The following CC2D2A variants were observed in gnomAD, a reference collection of about 807,000 sequenced individuals.
The protein encoded by CC2D2A is coiled-coil and C2 domain containing 2A.
In CC2D2A, 155 loss-of-function variants were observed where a neutral mutation model predicts 212.9. That is an observed-to-expected ratio of 0.73 (90% confidence interval 0.64 to 0.83). The LOEUF is 0.83. Among genes scored for constraint, CC2D2A ranks in the 40% least tolerant of loss-of-function variants. The probability of loss-of-function intolerance (pLI) is 0.00; values close to 1 mark genes in which losing one functional copy is unlikely to be tolerated. For synonymous variants in CC2D2A, 667 were observed against 686.5 expected, an observed-to-expected ratio of 0.97 and a Z score of 0.44; for missense variants, 1,856 against 1,956.2, an observed-to-expected ratio of 0.95 and a Z score of 0.97.
At chr4:15,500,105 G>GTA (rs1168609475) in intron 4 of CC2D2A, among the ~76,000 whole-genome samples, 3 of 66,876 alleles carry the variant, frequency 4.5e-5, no homozygotes, top group East Asian at 3.5e-4. Flanking sequence ...GTGTGTGTGT[G>GTA]TGTATATATA....
chr4:15,540,248 T>C (rs1718354819), intron 16 of CC2D2A, among the ~76,000 whole-genome samples: 1 of 152,062 alleles, frequency 6.6e-6, no homozygotes, highest in South Asian at 2.1e-4. Context: ...TGGATGTCTA[T>C]ACACATATGT....
intron 35 of CC2D2A, 139 bp downstream of exon 35, chr4:15,597,604 G>A (rs763420421): frequency 1.9e-5 from 14 of 725,694 alleles, no homozygotes; most frequent in Non-Finnish European, 3.1e-5. Context: ...TCCAAATACA[G>A]ATGTGATCTC....
intron 21 of CC2D2A, among the ~76,000 whole-genome samples, chr4:15,557,873 T>C (rs1038707762): frequency 4.6e-5 from 7 of 152,190 alleles, no homozygotes; most frequent in Non-Finnish European, 1.0e-4. Context: ...AATTCCATTT[T>C]AATGCAGTAT....
At chr4:15,541,138 C>CACATCTCT (rs1243198301) in intron 17 of CC2D2A, 124 bp downstream of exon 17, 3 of 685,162 alleles carry the variant, frequency 4.4e-6, no homozygotes, top group Non-Finnish European at 6.8e-6. Context: ...ATGGCAAAAC[C>CACATCTCT]ACATCTCTAC....
intron 30 of CC2D2A, among the ~76,000 whole-genome samples, chr4:15,581,808 T>C (rs77349264): frequency 0.018 from 2,681 of 152,326 alleles, 29 homozygotes; most frequent in Middle Eastern, 0.065. Flanking sequence ...GTAATGCCCC[T>C]AGATCCCTGT....
At chr4:15,482,108 G>C (rs983003654) in intron 4 of CC2D2A, 8 of 985,336 alleles carry the variant, frequency 8.1e-6, no homozygotes, top group Non-Finnish European at 9.6e-6. Flanking sequence ...TTGTTAGACT[G>C]TTTTCCCTAT....
intron 13 of CC2D2A, 110 bp from the exon 14 acceptor site, chr4:15,533,082 CA>C: frequency 1.2e-6 from 1 of 834,606 alleles, no homozygotes; most frequent in Non-Finnish European, 1.8e-6. Flanking sequence ...GTACTTGTTT[CA>C]AAATACGGTA....
chr4:15,499,849 A>T (rs191176980), intron 4 of CC2D2A, among the ~76,000 whole-genome samples: 1 of 152,092 alleles, frequency 6.6e-6, no homozygotes, highest in Non-Finnish European at 1.5e-5. Context: ...GCCCCTGTTA[A>T]CCCACCCAGG....
At chr4:15,582,479 G>C (rs1720702695) in intron 30 of CC2D2A, among the ~76,000 whole-genome samples, 1 of 151,986 alleles carries the variant, frequency 6.6e-6, no homozygotes, top group Non-Finnish European at 1.5e-5. Flanking sequence ...AGAAAAAAGA[G>C]AGATGACTTA....
chr4:15,555,268 T>C lies in CC2D2A; in HGVS notation c.2625+58T>C, dbSNP rs1719219837. On this transcript the variant is annotated intron_variant, in intron 20 of 36. Coordinates refer to ENST00000424120, the MANE Select transcript of CC2D2A (RefSeq NM_001378615.1). ...GACTTGGCCTTTTACACAATTTTCC[T>C]TTACACTATCTTCTCCTATGCAATA... 8 of 1,582,798 alleles carry C rather than the reference T, an allele frequency of 5.1e-6. No homozygotes were observed. The East Asian group carries it at 1.8e-4, about 35-fold the overall frequency.
intron 36 of CC2D2A, among the ~76,000 whole-genome samples, 153 bp downstream of exon 36, chr4:15,599,859 T>C (rs774737806): frequency 3.3e-5 from 5 of 152,210 alleles, no homozygotes; most frequent in Non-Finnish European, 7.3e-5. Context: ...TCATAAGTTT[T>C]AAACCTCAAT....
chr4:15,561,519 A>T (rs1316203934), intron 23 of CC2D2A: 2 of 152,088 alleles, frequency 1.3e-5, no homozygotes, highest in Non-Finnish European at 2.9e-5. Flanking sequence ...CTTAGAATAG[A>T]TGATGATTTT....
chr4:15,494,266 G>C (rs1436714571), intron 4 of CC2D2A, among the ~76,000 whole-genome samples: 3 of 152,284 alleles, frequency 2.0e-5, no homozygotes, highest in East Asian at 1.9e-4. Flanking sequence ...GAAGAGCAAG[G>C]GGCACTGGGC....
chr4:15,567,247 G>T (rs566643937), intron 24 of CC2D2A, 130 bp from the exon 25 acceptor site: 1 of 678,770 alleles, frequency 1.5e-6, no homozygotes, highest in Non-Finnish European at 2.5e-6. Context: ...TGCACCAGCC[G>T]AGATCATGCC....
At chr4:15,486,177 C>T (rs565839485) in intron 4 of CC2D2A, among the ~76,000 whole-genome samples, 1 of 152,012 alleles carries the variant, frequency 6.6e-6, no homozygotes, top group African/African-American at 2.4e-5. Context: ...GCCCTTGTAC[C>T]ATAGGTTTGG....
chr4:15,547,012 TA>T (rs957240181), intron 17 of CC2D2A, among the ~76,000 whole-genome samples: 4 of 149,072 alleles, frequency 2.7e-5, no homozygotes, highest in East Asian at 1.9e-4. Context: ...GAATTCCCAT[TA>T]AAAAAAAAAT....
chr4:15,569,436 C>G (rs1720055890), intron 27 of CC2D2A, 47 bp downstream of exon 27: 1 of 1,049,680 alleles, frequency 9.5e-7, no homozygotes, highest in East Asian at 2.6e-5. Context: ...CTTTCATATC[C>G]TCTACCCACT....
At chr4:15,518,803 G>T (rs1279795673) in intron 11 of CC2D2A, among the ~76,000 whole-genome samples, 2 of 152,216 alleles carry the variant, frequency 1.3e-5, no homozygotes, top group Non-Finnish European at 2.9e-5. Flanking sequence ...TTTAGTCATG[G>T]CTGGAGTAGC....
intron 6 of CC2D2A, among the ~76,000 whole-genome samples, chr4:15,504,238 G>T (rs1034983730): frequency 1.3e-5 from 2 of 152,138 alleles, no homozygotes; most frequent in Non-Finnish European, 2.9e-5. Flanking sequence ...TTTTGTGGTC[G>T]TCAGTAGGAA....
Sources: gnomAD v4.1 joint callset for allele counts (sites outside exome capture counted in the v4.1 genomes callset) on GRCh38, gnomAD v4.1.1 for gene constraint, MANE v1.5 for transcripts, NCBI Gene and HGNC (gene_info 2026-07-23, HGNC 2026-07-21) for gene names.